STAG1: variants seen among roughly 807,000 people sequenced by gnomAD.
STAG1 encodes cohesin subunit SA-1.
A neutral mutation model predicts 170.9 loss-of-function variants in STAG1; 26 were observed. That is an observed-to-expected ratio of 0.15 (90% CI 0.11 to 0.21). The LOEUF is 0.21. Among genes scored for constraint, STAG1 ranks in the 10% least tolerant of loss-of-function variants. The pLI is 1.00. For missense variants in STAG1, 964 were observed against 1,509.5 expected, an observed-to-expected ratio of 0.64 and a Z score of 5.99; for synonymous variants, 514 against 497.7, an observed-to-expected ratio of 1.03 and a Z score of -0.44.
At chr3:136,634,260 G>A (rs750699910) in intron 1 of STAG1, among the ~76,000 whole-genome samples, 17 of 152,054 alleles carry the variant, frequency 1.1e-4, no homozygotes, top group Non-Finnish European at 1.9e-4. Context: ...GAGAGGCTGA[G>A]GTGGGAGGAT....
At chr3:136,443,721 C>T (rs1271061030) in intron 14 of STAG1, among the ~76,000 whole-genome samples, 1 of 152,096 alleles carries the variant, frequency 6.6e-6, no homozygotes, top group African/African-American at 2.4e-5. Context: ...GGTCACTTTT[C>T]CCTACTCCTT....
intron 1 of STAG1, among the ~76,000 whole-genome samples, chr3:136,716,650 A>G (rs1341230397): frequency 6.6e-6 from 1 of 152,154 alleles, no homozygotes; most frequent in Non-Finnish European, 1.5e-5. Flanking sequence ...CTGTCTCTTT[A>G]AAAAGAAACA....
At chr3:136,523,491 A>C (rs1375011899) in intron 6 of STAG1, among the ~76,000 whole-genome samples, 1 of 151,690 alleles carries the variant, frequency 6.6e-6, no homozygotes, top group East Asian at 1.9e-4. Flanking sequence ...AGTAGATTGC[A>C]AAAATCTTCT....
intron 28 of STAG1, among the ~76,000 whole-genome samples, chr3:136,357,347 A>C (rs1403466638): frequency 6.6e-6 from 1 of 152,226 alleles, no homozygotes; most frequent in Non-Finnish European, 1.5e-5. Context: ...ATAATCAAAA[A>C]AAGCAAATAT....
chr3:136,594,062 G>C (rs1192702767), intron 4 of STAG1, among the ~76,000 whole-genome samples: 1 of 152,108 alleles, frequency 6.6e-6, no homozygotes, highest in Non-Finnish European at 1.5e-5. Flanking sequence ...ATGAATATTA[G>C]AAAATTATTA....
At chr3:136,504,973 A>G (rs1933680897) in intron 7 of STAG1, among the ~76,000 whole-genome samples, 1 of 152,216 alleles carries the variant, frequency 6.6e-6, no homozygotes, top group Non-Finnish European at 1.5e-5. Context: ...TATTAGGTAT[A>G]ATACAGCAGT....
Position 136,473,580 on chromosome 3 carries a change from C to G in STAG1, c.1084G>C (p.Glu362Gln). 1.9e-6 allele frequency: 3 copies of G among 1,612,438 alleles called. No homozygotes were observed. Among genetic ancestry groups the G allele is most frequent in the South Asian group, 1.1e-5 (1 of 90,860 alleles). ...AATAGTTCCAATTTGGGGAATAATT[C>G]TCTATTGGTATATAGACTCTGCAGA... ...KALQSLYTNRELFPKLELFTN... is the reference protein window; with the variant it reads ...KALQSLYTNRQLFPKLELFTN... Residue 362 changes from glutamate (E) to glutamine (Q), a missense_variant, in exon 11 of 34, where the codon GAA (glutamate) becomes CAA (glutamine). Glu to Gln is a conservative substitution (Grantham distance 29). Transcript: ENST00000383202.
chr3:136,524,590 T>C (rs970423397), intron 6 of STAG1, among the ~76,000 whole-genome samples: 38 of 152,298 alleles, frequency 2.5e-4, no homozygotes, highest in African/African-American at 6.3e-4. Context: ...CCTTTATTTC[T>C]TTCTCCTGCC....
intron 1 of STAG1, among the ~76,000 whole-genome samples, chr3:136,719,814 T>A (rs2107927931): frequency 6.6e-6 from 1 of 152,266 alleles, no homozygotes; most frequent in East Asian, 1.9e-4. Context: ...AAAGCAAGAA[T>A]GCACTAGAAG....
At chr3:136,564,560 T>A (rs1444145394) in intron 5 of STAG1, among the ~76,000 whole-genome samples, 1 of 152,236 alleles carries the variant, frequency 6.6e-6, no homozygotes, top group African/African-American at 2.4e-5. Context: ...CTTAGGTCTA[T>A]GTCAGGATTT....
chr3:136,695,719 A>G (rs1228455015), intron 1 of STAG1, among the ~76,000 whole-genome samples: 1 of 152,182 alleles, frequency 6.6e-6, no homozygotes, highest in East Asian at 1.9e-4. Context: ...AAACAAGAGG[A>G]AAAAGATCCC....
At chr3:136,670,462 G>GT (rs547568906) in intron 1 of STAG1, among the ~76,000 whole-genome samples, 17 of 152,104 alleles carry the variant, frequency 1.1e-4, no homozygotes, top group Non-Finnish European at 2.5e-4. Context: ...TTTCATTTTG[G>GT]TTTTATACCT....
At chr3:136,644,590 T>A (rs1321242914) in intron 1 of STAG1, among the ~76,000 whole-genome samples, 2 of 152,220 alleles carry the variant, frequency 1.3e-5, no homozygotes, top group African/African-American at 2.4e-5. Flanking sequence ...TGATGTAGGT[T>A]AGTATAGCAT....
chr3:136,542,018 G>A (rs753785970), intron 6 of STAG1, 101 bp downstream of exon 6: 3 of 844,038 alleles, frequency 3.6e-6, no homozygotes, highest in Non-Finnish European at 5.8e-6. Context: ...TAGATTTTCA[G>A]TTACACTAAA....
intron 1 of STAG1, among the ~76,000 whole-genome samples, chr3:136,735,268 G>C (rs1456770655): frequency 6.6e-6 from 1 of 151,376 alleles, no homozygotes; most frequent in Non-Finnish European, 1.5e-5. Flanking sequence ...TAGGACTACA[G>C]GTGGCCAACA....
At chr3:136,473,959 T>A (rs879874676) in intron 10 of STAG1, among the ~76,000 whole-genome samples, 5 of 152,234 alleles carry the variant, frequency 3.3e-5, no homozygotes, top group African/African-American at 4.8e-5. Context: ...GGGAAAAGTA[T>A]GTTTATTTGT....
At chr3:136,437,375 T>C (rs1357507415) in intron 15 of STAG1, among the ~76,000 whole-genome samples, 1 of 145,610 alleles carries the variant, frequency 6.9e-6, no homozygotes, top group African/African-American at 2.4e-5. Context: ...CAAAACTACA[T>C]AATAAAATTG....
At chr3:136,686,876 A>G (rs529723901) in intron 1 of STAG1, among the ~76,000 whole-genome samples, 52 of 152,338 alleles carry the variant, frequency 3.4e-4, no homozygotes, top group Non-Finnish European at 6.2e-4. Context: ...CTTTAGCAAG[A>G]GAATCTAGTG....
intron 1 of STAG1, among the ~76,000 whole-genome samples, chr3:136,693,604 G>C (rs1412691688): frequency 6.6e-6 from 1 of 152,078 alleles, no homozygotes; most frequent in African/African-American, 2.4e-5. Flanking sequence ...TTTTCTGTGG[G>C]TGAATTTATC....
Sources: gnomAD v4.1 joint callset for allele counts (sites outside exome capture counted in the v4.1 genomes callset) on GRCh38, gnomAD v4.1.1 for gene constraint, MANE v1.5 for transcripts, NCBI Gene and HGNC (gene_info 2026-07-23, HGNC 2026-07-21) for gene names.